The following GUSB variants were observed in gnomAD, a reference collection of about 807,000 sequenced individuals.
GUSB encodes beta-glucuronidase.
GUSB carries 51 observed loss-of-function variants against 74.6 expected under a neutral mutation model. That is an observed-to-expected ratio of 0.68 (90% confidence interval 0.55 to 0.86). GUSB has a LOEUF of 0.86. Ranked by LOEUF, GUSB falls within the 40% of genes least tolerant of loss-of-function variation. GUSB has a pLI of 0.00. For synonymous variants in GUSB, 360 were observed against 348.3 expected (o/e 1.03, Z -0.37); for missense variants, 736 against 853.7 (o/e 0.86, Z 1.72).
intron 4 of GUSB, among the ~76,000 whole-genome samples, chr7:65,976,574 C>T (rs1313367754): frequency 6.6e-6 from 1 of 151,884 alleles, no homozygotes; most frequent in Non-Finnish European, 1.5e-5. Context: ...ATCCACCCGC[C>T]TTGGCCTCCC....
chr7:65,979,609 C>T, intron 3 of GUSB, 68 bp from the exon 4 acceptor site: 1 of 1,597,650 alleles, frequency 6.3e-7, no homozygotes, highest in Non-Finnish European at 8.6e-7. Flanking sequence ...TCACAGGCCT[C>T]CCTGGCCTCC....
chr7:65,977,947 A>T (rs911297666), intron 4 of GUSB, among the ~76,000 whole-genome samples: 1 of 151,590 alleles, frequency 6.6e-6, no homozygotes, highest in Non-Finnish European at 1.5e-5. Flanking sequence ...AGTCGCTGGG[A>T]CTACAGGCCC....
At chr7:65,978,060 T>C (rs2116007731) in intron 4 of GUSB, among the ~76,000 whole-genome samples, 2 of 152,206 alleles carry the variant, frequency 1.3e-5, no homozygotes, top group East Asian at 3.9e-4. Context: ...TCCCCCCACC[T>C]TGGCCTCCCA....
chr7:65,981,314 C>T (rs1320934124), intron 1 of GUSB, among the ~76,000 whole-genome samples: 2 of 151,054 alleles, frequency 1.3e-5, no homozygotes, highest in Non-Finnish European at 2.9e-5. Context: ...CTCACTGCAA[C>T]CTCTACTCCC....
chr7:65,972,394 C>T (rs896404929), intron 8 of GUSB, among the ~76,000 whole-genome samples: 1 of 152,180 alleles, frequency 6.6e-6, no homozygotes, highest in Admixed American at 6.5e-5. Context: ...AAACTCCTGA[C>T]CTCAGGTGAT....
intron 4 of GUSB, 54 bp from the exon 5 acceptor site, chr7:65,976,256 C>A (rs1210632219): frequency 3.1e-6 from 4 of 1,280,498 alleles, no homozygotes; most frequent in Non-Finnish European, 3.4e-6. Flanking sequence ...CTGAGTCACA[C>A]AAACAGGAGC....
At chr7:65,975,876 C>T in intron 5 of GUSB, 139 bp downstream of exon 5, 1 of 650,046 alleles carries the variant, frequency 1.5e-6, no homozygotes, top group Non-Finnish European at 2.6e-6. Flanking sequence ...AGAAAATGGG[C>T]CTCCCACCAA....
intron 9 of GUSB, among the ~76,000 whole-genome samples, chr7:65,969,590 G>A (rs1041833241): frequency 1.3e-5 from 2 of 151,994 alleles, no homozygotes; most frequent in Non-Finnish European, 2.9e-5. Flanking sequence ...CCAGCTACTC[G>A]GGAGGCTGAG....
intron 4 of GUSB, among the ~76,000 whole-genome samples, chr7:65,978,102 G>A (rs1791712550): frequency 6.6e-6 from 1 of 151,938 alleles, no homozygotes; most frequent in African/African-American, 2.4e-5. Flanking sequence ...GAGCCACCGC[G>A]CCCGCCCTGA....
chr7:65,966,096 G>A (rs368245643), intron 10 of GUSB, among the ~76,000 whole-genome samples: 4 of 152,174 alleles, frequency 2.6e-5, no homozygotes, highest in South Asian at 2.1e-4. Flanking sequence ...CTTGAACCAG[G>A]GAGGTGGACA....
At chr7:65,966,458 A>G (rs547303265) in intron 10 of GUSB, among the ~76,000 whole-genome samples, 2 of 152,122 alleles carry the variant, frequency 1.3e-5, no homozygotes, top group East Asian at 1.9e-4. Flanking sequence ...ACAAACCAAC[A>G]TATCTTTGGT....
intron 10 of GUSB, among the ~76,000 whole-genome samples, chr7:65,966,152 G>A (rs1248206988): frequency 1.3e-5 from 2 of 151,394 alleles, no homozygotes; most frequent in East Asian, 2.0e-4. Flanking sequence ...CCTAGGCAAC[G>A]AGAGCGAAAC....
chr7:65,967,749 C>T lies in GUSB; in HGVS notation c.1635G>A (p.Thr545=), dbSNP rs761204529. 14 of 1,613,456 alleles carry T rather than the reference C, an allele frequency of 8.7e-6. No homozygotes were observed. Among genetic ancestry groups the T allele is most frequent in the African/African-American group, 2.7e-5 (2 of 74,930 alleles). ...PIIQSEYGAE[T]IAGFHQDPPL... ...TGCTTACCTGGTGAAACCCTGCAAT[C>T]GTTTCTGCTCCATACTCGCTCTGAA... Residue 545 remains threonine (T), a synonymous_variant, in exon 10 of 12, where the codon ACG becomes ACA. Transcript: ENST00000304895.
intron 4 of GUSB, among the ~76,000 whole-genome samples, chr7:65,977,850 C>G (rs1021224375): frequency 1.6e-4 from 24 of 151,676 alleles, no homozygotes; most frequent in Non-Finnish European, 2.2e-4. Context: ...TCGCTCTGTC[C>G]CCTAGGCTGG....
At position 65,974,632 on chromosome 7, in the gene GUSB, C is replaced by T. The variant is rs377615121; in HGVS notation, c.1138G>A (p.Ala380Thr). 7.4e-6 allele frequency: 12 copies of T among 1,613,966 alleles called. No individual in the cohort carries two copies. The African/African-American group carries it at 1.1e-4, about 14-fold the overall frequency. Reference protein sequence around the residue: ...FNLLRWLGANAFRTSHYPYAE... With the variant: ...FNLLRWLGANTFRTSHYPYAE... ...TAGGGGTAGTGGCTGGTACGGAAAG[C>T]GTTGGCACCAAGCCAGCGAAGCAGG... Residue 380 changes from alanine to threonine, a missense_variant, in exon 7 of 12, where the codon GCT (alanine) becomes ACT (threonine). Transcript: ENST00000304895.
intron 1 of GUSB, among the ~76,000 whole-genome samples, chr7:65,981,212 T>C (rs1167597819): frequency 7.0e-6 from 1 of 141,928 alleles, no homozygotes; most frequent in Non-Finnish European, 1.5e-5. Context: ...TATCTTTTTT[T>C]TTTTTTTAAG....
intron 4 of GUSB, among the ~76,000 whole-genome samples, chr7:65,978,334 G>C (rs1482513688): frequency 6.6e-6 from 1 of 152,092 alleles, no homozygotes. Flanking sequence ...TGTAATCCCA[G>C]CTGCTCAGGA....
chr7:65,980,196 C>A (rs777788526), intron 2 of GUSB, 28 bp downstream of exon 2: 2 of 1,330,630 alleles, frequency 1.5e-6, no homozygotes, highest in Admixed American at 1.9e-5. Context: ...CCCCCCCACC[C>A]GCCCTGCCTG....
intron 9 of GUSB, among the ~76,000 whole-genome samples, chr7:65,968,367 T>C (rs1160049286): frequency 1.3e-5 from 2 of 151,068 alleles, no homozygotes; most frequent in East Asian, 1.9e-4. Context: ...CCAGAGGAGG[T>C]AGGCCTGGGA....
Sources: allele counts gnomAD v4.1 joint callset (sites outside exome capture counted in the v4.1 genomes callset), GRCh38; gene constraint gnomAD v4.1.1; transcripts MANE v1.5; gene names NCBI Gene and HGNC (gene_info 2026-07-23, HGNC 2026-07-21).